TNR: variants seen among roughly 807,000 people sequenced by gnomAD.
TNR encodes the protein tenascin R.
A neutral mutation model predicts 150.4 loss-of-function variants in TNR; 45 were observed. That is an observed-to-expected ratio of 0.30 (90% CI 0.24 to 0.38). The LOEUF (loss-of-function observed/expected upper bound fraction) is 0.38. Among genes scored for constraint, TNR ranks in the 10% least tolerant of loss-of-function variants. TNR has a pLI of 1.00. For missense variants in TNR, 1,544 were observed against 1,759.1 expected, an observed-to-expected ratio of 0.88 and a Z score of 2.19; for synonymous variants, 687 against 678.4, an observed-to-expected ratio of 1.01 and a Z score of -0.20.
At chr1:175,354,266 A>G in intron 18 of TNR, 125 bp downstream of exon 18, 1 of 1,305,106 alleles carries the variant, frequency 7.7e-7, no homozygotes, top group Non-Finnish European at 1.0e-6. Context: ...GACAGGGGAA[A>G]AGAAGGAGGA....
At chr1:175,652,673 T>G (rs1665036511) in intron 1 of TNR, among the ~76,000 whole-genome samples, 1 of 152,154 alleles carries the variant, frequency 6.6e-6, no homozygotes. Flanking sequence ...TCTGCCATGG[T>G]AAGACGTGCC....
chr1:175,615,699 T>C (rs1352876710), intron 1 of TNR, among the ~76,000 whole-genome samples: 1 of 152,136 alleles, frequency 6.6e-6, no homozygotes, highest in Non-Finnish European at 1.5e-5. Flanking sequence ...GAGAGGAGCA[T>C]GGAGATTAAG....
chr1:175,589,839 G>A (rs1342271577), intron 1 of TNR, among the ~76,000 whole-genome samples: 1 of 152,102 alleles, frequency 6.6e-6, no homozygotes, highest in Non-Finnish European at 1.5e-5. Flanking sequence ...ACACACCGGG[G>A]CCTGTCAGGG....
chr1:175,356,539 T>C, intron 15 of TNR, 77 bp from the exon 16 acceptor site: 1 of 1,558,286 alleles, frequency 6.4e-7, no homozygotes, highest in Admixed American at 1.8e-5. Context: ...CCAAAGGTAT[T>C]TCACATGGAT....
At chr1:175,468,389 T>A (rs1399790823) in intron 2 of TNR, among the ~76,000 whole-genome samples, 1 of 152,222 alleles carries the variant, frequency 6.6e-6, no homozygotes, top group African/African-American at 2.4e-5. Flanking sequence ...GGCATAATAA[T>A]CACACCAGTT....
At chr1:175,722,661 C>T (rs1302582423) in intron 1 of TNR, among the ~76,000 whole-genome samples, 1 of 152,078 alleles carries the variant, frequency 6.6e-6, no homozygotes, top group Admixed American at 6.6e-5. Context: ...GACAGGGTTT[C>T]ACCACGTTGC....
chr1:175,739,662 A>G (rs1389166101), intron 1 of TNR, among the ~76,000 whole-genome samples: 1 of 151,858 alleles, frequency 6.6e-6, no homozygotes, highest in Non-Finnish European at 1.5e-5. Context: ...GCATAGAGCT[A>G]TGTTGGTACA....
At position 175,316,057 on chromosome 1, in the gene TNR, C is replaced by A. The variant is rs1648833140; in HGVS notation, c.*7300G>T. The A allele has an allele frequency of 6.6e-6, 1 of 152,162 alleles. No individual in the cohort carries two copies. The highest frequency in any genetic ancestry group is 1.9e-4 in the East Asian group (1 of 5,194). The allele number at this position is 152,162 out of a possible 1,614,324, so 9.4% of individuals were successfully genotyped here. On this transcript the variant is annotated 3_prime_UTR_variant, in exon 23 of 23. Transcript: ENST00000367674. ...AAGCAGCCCCCACACTGGAATGGAACCAGTGTTCTGGGGTTCTTTCTTGGG... is the reference window on the plus strand; with the variant it reads ...AAGCAGCCCCCACACTGGAATGGAAACAGTGTTCTGGGGTTCTTTCTTGGG...
chr1:175,582,915 C>A (rs140618198), intron 1 of TNR, among the ~76,000 whole-genome samples: 75 of 152,096 alleles, frequency 4.9e-4, no homozygotes, highest in Admixed American at 9.8e-4. Context: ...TCCTCTTAAC[C>A]TCTCTCTGCC....
chr1:175,352,553 A>G (rs1651103656), intron 18 of TNR, among the ~76,000 whole-genome samples: 1 of 152,158 alleles, frequency 6.6e-6, no homozygotes, highest in Non-Finnish European at 1.5e-5. Context: ...AGAAGAGGGT[A>G]GCACCTTAGT....
At chr1:175,673,296 C>A (rs927461424) in intron 1 of TNR, among the ~76,000 whole-genome samples, 24 of 152,144 alleles carry the variant, frequency 1.6e-4, no homozygotes, top group African/African-American at 5.8e-4. Flanking sequence ...GAGCCAGCAC[C>A]AAGCATGTTC....
At position 175,318,465 on chromosome 1, in the gene TNR, A is replaced by G. The variant is rs1648902916; in HGVS notation, c.*4892T>C. The G allele has an allele frequency of 6.6e-6, 1 of 152,264 alleles. No individual in the cohort carries two copies. Among genetic ancestry groups the G allele is most frequent in the Non-Finnish European group, 1.5e-5 (1 of 68,048 alleles). The allele number at this position is 152,264 out of a possible 1,614,324, so 9.4% of individuals were successfully genotyped here. On this transcript the variant is annotated 3_prime_UTR_variant, in exon 23 of 23. Coordinates refer to ENST00000367674, the MANE Select transcript of TNR (RefSeq NM_003285.3). Reference sequence around the variant, plus strand: ...TCAAATTGGACCTGAATCTACACCAATACATCATCTTAAAGCATATAGGAG... The same window carrying G: ...TCAAATTGGACCTGAATCTACACCAGTACATCATCTTAAAGCATATAGGAG...
At chr1:175,624,808 A>G (rs756477651) in intron 1 of TNR, among the ~76,000 whole-genome samples, 1 of 152,140 alleles carries the variant, frequency 6.6e-6, no homozygotes, top group Admixed American at 6.6e-5. Flanking sequence ...AGCCACCAAG[A>G]GGCAGATGGA....
chr1:175,636,747 G>C (rs986045366), intron 1 of TNR, among the ~76,000 whole-genome samples: 3 of 152,182 alleles, frequency 2.0e-5, no homozygotes, highest in South Asian at 2.1e-4. Flanking sequence ...TGGTCTCTCT[G>C]TTTGGACACC....
chr1:175,717,182 A>G (rs1184364377), intron 1 of TNR, among the ~76,000 whole-genome samples: 1 of 152,212 alleles, frequency 6.6e-6, no homozygotes, highest in Non-Finnish European at 1.5e-5. Flanking sequence ...CCTCATAAAT[A>G]AAACTTTGGC....
At chr1:175,488,573 G>T (rs1256174473) in intron 2 of TNR, among the ~76,000 whole-genome samples, 1 of 152,216 alleles carries the variant, frequency 6.6e-6, no homozygotes, top group Admixed American at 6.5e-5. Flanking sequence ...GTCTTTGGTG[G>T]TAAGTTGGGC....
In TNR at chr1:175,391,209, C is replaced by T. The variant is rs533365303; in HGVS notation, c.1507+79G>A. ...AAATTCTAGCACCTCTGTTGTCTCT[C>T]CACTCCTTGGGCAATTCTGTGGTTC... On this transcript the variant is annotated intron_variant, in intron 7 of 22. Coordinates refer to ENST00000367674, the MANE Select transcript of TNR (RefSeq NM_003285.3). 1.9e-6 allele frequency: 3 copies of T among 1,550,860 alleles called. No individual in the cohort carries two copies. In the South Asian group the frequency reaches 3.7e-5, roughly 19 times the overall value.
At chr1:175,655,082 T>C (rs41329446) in intron 1 of TNR, among the ~76,000 whole-genome samples, 14,827 of 152,086 alleles carry the variant, frequency 0.097, 1,018 homozygotes, top group African/African-American at 0.19. Flanking sequence ...CATGCTTCTG[T>C]TTTGACGCTG....
intron 1 of TNR, among the ~76,000 whole-genome samples, chr1:175,706,453 C>T (rs1263199279): frequency 6.6e-6 from 1 of 152,132 alleles, no homozygotes; most frequent in Non-Finnish European, 1.5e-5. Flanking sequence ...GAAAAGATGA[C>T]AGGAAGGCAT....
Sources: allele counts gnomAD v4.1 joint callset (sites outside exome capture counted in the v4.1 genomes callset), GRCh38; gene constraint gnomAD v4.1.1; transcripts MANE v1.5; gene names NCBI Gene and HGNC (gene_info 2026-07-23, HGNC 2026-07-21).